LDAH: variants seen among roughly 807,000 people sequenced by gnomAD.
LDAH encodes the protein lipid droplet associated hydrolase.
Under a neutral mutation model 29.6 loss-of-function variants are expected in LDAH, and 26 were observed. The ratio of observed to expected loss-of-function variants is 0.88; its 90% CI spans 0.64 to 1.22. The LOEUF (loss-of-function observed/expected upper bound fraction) is 1.22. Ranked by LOEUF, LDAH falls within the 50% of genes most tolerant of loss-of-function variation. The pLI, the probability that LDAH is intolerant of heterozygous loss-of-function variation, is 0.00. For missense variants in LDAH, 344 were observed against 387.3 expected (o/e 0.89, Z 0.94); for synonymous variants, 117 against 133.0 (o/e 0.88, Z 0.83).
chr2:20,743,650 GT>G (rs1667365000), intron 4 of LDAH, among the ~76,000 whole-genome samples: 1 of 151,990 alleles, frequency 6.6e-6, no homozygotes, highest in South Asian at 2.1e-4. Flanking sequence ...TTTAGTCTTT[GT>G]TTATTCCCTC....
chr2:20,763,005 A>G (rs1368667633), intron 4 of LDAH, among the ~76,000 whole-genome samples: 1 of 152,242 alleles, frequency 6.6e-6, no homozygotes, highest in Non-Finnish European at 1.5e-5. Context: ...CCACTGACAC[A>G]TCTGATACCA....
At chr2:20,797,851 T>C (rs1671408930) in intron 2 of LDAH, among the ~76,000 whole-genome samples, 1 of 152,082 alleles carries the variant, frequency 6.6e-6, no homozygotes, top group South Asian at 2.1e-4. Context: ...AACAAAGCGC[T>C]ATTAGAATGA....
chr2:20,813,579 C>T (rs1172872407), intron 1 of LDAH, among the ~76,000 whole-genome samples: 1 of 152,222 alleles, frequency 6.6e-6, no homozygotes, highest in African/African-American at 2.4e-5. Context: ...ACATTCATAT[C>T]TACCAGTGCT....
intron 5 of LDAH, among the ~76,000 whole-genome samples, chr2:20,734,680 A>G (rs1357841498): frequency 2.0e-5 from 3 of 152,186 alleles, no homozygotes; most frequent in Admixed American, 6.5e-5. Context: ...TAATTTAGAA[A>G]TCTCAAGAGA....
At chr2:20,785,034 A>T (rs1182398058) in intron 3 of LDAH, among the ~76,000 whole-genome samples, 4 of 152,194 alleles carry the variant, frequency 2.6e-5, no homozygotes, top group African/African-American at 7.2e-5. Context: ...TCATTTATCC[A>T]TGTTGTAATT....
intron 4 of LDAH, among the ~76,000 whole-genome samples, chr2:20,751,327 T>C (rs1175441266): frequency 6.6e-6 from 1 of 152,238 alleles, no homozygotes; most frequent in African/African-American, 2.4e-5. Context: ...GCATGAAAGA[T>C]GCACATTCTG....
At chr2:20,732,972 G>A (rs1666515999) in intron 5 of LDAH, among the ~76,000 whole-genome samples, 1 of 152,008 alleles carries the variant, frequency 6.6e-6, no homozygotes, top group African/African-American at 2.4e-5. Context: ...CAAAGTGCTG[G>A]CATTCAAGAT....
chr2:20,713,329 A>T (rs1441381340), intron 5 of LDAH, among the ~76,000 whole-genome samples: 1 of 152,216 alleles, frequency 6.6e-6, no homozygotes, highest in African/African-American at 2.4e-5. Flanking sequence ...CTTTACAGAC[A>T]AGCAAATGCT....
chr2:20,710,425 T>C (rs565017132), intron 5 of LDAH, among the ~76,000 whole-genome samples: 6 of 151,780 alleles, frequency 4.0e-5, no homozygotes, highest in African/African-American at 1.4e-4. Flanking sequence ...ATTAAAGAAA[T>C]GGAATTTGTA....
chr2:20,774,579 ATT>A (rs1472302267), intron 4 of LDAH, among the ~76,000 whole-genome samples: 1 of 152,254 alleles, frequency 6.6e-6, no homozygotes, highest in Non-Finnish European at 1.5e-5. Flanking sequence ...ATTCAAAGGC[ATT>A]CTTTCAGAAA....
chr2:20,730,117 C>T (rs1666296026), intron 5 of LDAH, among the ~76,000 whole-genome samples: 1 of 152,142 alleles, frequency 6.6e-6, no homozygotes, highest in Admixed American at 6.5e-5. Context: ...TGGAGATGGA[C>T]ACAGGTTGCT....
At chr2:20,777,408 T>C (rs982616790) in intron 3 of LDAH, among the ~76,000 whole-genome samples, 7 of 152,216 alleles carry the variant, frequency 4.6e-5, no homozygotes, top group African/African-American at 1.7e-4. Context: ...TTAAATGTGC[T>C]ATCTTTTAAA....
chr2:20,745,861 A>G (rs1156958822), intron 4 of LDAH, among the ~76,000 whole-genome samples: 1 of 152,226 alleles, frequency 6.6e-6, no homozygotes, highest in African/African-American at 2.4e-5. Context: ...ATAAAAGAGG[A>G]CTAGAAATTG....
intron 5 of LDAH, among the ~76,000 whole-genome samples, chr2:20,739,748 C>T (rs1021169429): frequency 6.6e-6 from 1 of 152,050 alleles, no homozygotes; most frequent in Non-Finnish European, 1.5e-5. Context: ...AGTGAAGAAT[C>T]AGAAACATAA....
chr2:20,725,352 T>C (rs1665938902), intron 5 of LDAH, among the ~76,000 whole-genome samples: 2 of 152,150 alleles, frequency 1.3e-5, no homozygotes, highest in Admixed American at 6.5e-5. Flanking sequence ...TGTGGATGGG[T>C]ACTTATTTAG....
chr2:20,753,260 A>G (rs147293063), intron 4 of LDAH, among the ~76,000 whole-genome samples: 175 of 152,360 alleles, frequency 1.1e-3, no homozygotes, highest in African/African-American at 3.5e-3. Flanking sequence ...AAACATTTTC[A>G]TCTTCACTTT....
intron 2 of LDAH, among the ~76,000 whole-genome samples, chr2:20,793,199 A>C (rs12469525): frequency 2.0e-5 from 3 of 152,120 alleles, no homozygotes; most frequent in Admixed American, 1.3e-4. Context: ...ACAACACATA[A>C]CTAAATAGGT....
At chr2:20,722,377 CAAAAAAA>C (rs141440507) in intron 5 of LDAH, among the ~76,000 whole-genome samples, 21 of 70,842 alleles carry the variant, frequency 3.0e-4, no homozygotes, top group Non-Finnish European at 5.2e-4. Context: ...GAAACTGTCT[CAAAAAAA>C]AAAAAAAAAA....
chr2:20,757,817 A>G (rs1447400169), intron 4 of LDAH, among the ~76,000 whole-genome samples: 1 of 152,166 alleles, frequency 6.6e-6, no homozygotes, highest in African/African-American at 2.4e-5. Context: ...TTCAGACTCA[A>G]AATGAAACAT....
Sources: gnomAD v4.1 joint callset for allele counts (sites outside exome capture counted in the v4.1 genomes callset) on GRCh38, gnomAD v4.1.1 for gene constraint, MANE v1.5 for transcripts, NCBI Gene and HGNC (gene_info 2026-07-23, HGNC 2026-07-21) for gene names.